ITGAM: variants seen among roughly 807,000 people sequenced by gnomAD.
ITGAM encodes the protein integrin subunit alpha M, also known as integrin alpha-M.
ITGAM carries 79 observed loss-of-function variants against 137.5 expected under a neutral mutation model. That is an observed-to-expected ratio of 0.57 (90% confidence interval 0.48 to 0.69). The LOEUF (loss-of-function observed/expected upper bound fraction) is 0.69, where lower values mean the gene tolerates loss of function less well. Among genes scored for constraint, ITGAM ranks in the 30% least tolerant of loss-of-function variants. The pLI is 0.00. For missense variants in ITGAM, 1,343 were observed against 1,483.5 expected (o/e 0.91, Z 1.56); for synonymous variants, 583 against 592.3 (o/e 0.98, Z 0.23).
At chr16:31,326,216 C>T (rs1294595555) in intron 21 of ITGAM, among the ~76,000 whole-genome samples, 1 of 152,134 alleles carries the variant, frequency 6.6e-6, no homozygotes, top group Non-Finnish European at 1.5e-5. Flanking sequence ...CCCTCAGCCC[C>T]AGTCCTCCCA....
Position 31,297,932 on chromosome 16 carries a change from GCAT to G in ITGAM, c.1688_1690del (p.Ile563del). The G allele has an allele frequency of 6.2e-7, 1 of 1,613,798 alleles. No individual in the cohort carries two copies. Among genetic ancestry groups the G allele is most frequent in the Non-Finnish European group, 8.5e-7 (1 of 1,179,918 alleles). ...CTGTTTCACGGAACCTCAGGATCTG[GCAT>G]CAGCCCCTCCCATAGCCAGGTGAGA... On this transcript the variant is annotated inframe_deletion, in exon 14 of 30. Coordinates refer to ENST00000544665, the MANE Select transcript of ITGAM (RefSeq NM_000632.4).
chr16:31,314,966 C>T (rs2080375332), intron 14 of ITGAM, among the ~76,000 whole-genome samples: 1 of 151,790 alleles, frequency 6.6e-6, no homozygotes, highest in Non-Finnish European at 1.5e-5. Flanking sequence ...GTGCCCACCA[C>T]CACACCCAGC....
At chr16:31,316,851 AT>A (rs879661331) in intron 14 of ITGAM, among the ~76,000 whole-genome samples, 1 of 152,012 alleles carries the variant, frequency 6.6e-6, no homozygotes, top group Non-Finnish European at 1.5e-5. Flanking sequence ...TAAGCATTTT[AT>A]TTTTTGATGC....
At chr16:31,302,370 T>C (rs182119264) in intron 14 of ITGAM, among the ~76,000 whole-genome samples, 1 of 149,896 alleles carries the variant, frequency 6.7e-6, no homozygotes, top group East Asian at 1.9e-4. Flanking sequence ...AACAATCTTT[T>C]TTTCTTTCTT....
chr16:31,307,032 C>A (rs1382419338), intron 14 of ITGAM, among the ~76,000 whole-genome samples: 1 of 152,132 alleles, frequency 6.6e-6, no homozygotes, highest in Non-Finnish European at 1.5e-5. Context: ...CAGTACCATG[C>A]TGTTTTGGTT....
chr16:31,331,787 C>A lies in ITGAM; in HGVS notation c.*80C>A. The A allele has an allele frequency of 1.8e-6, 2 of 1,127,982 alleles. No homozygotes were observed. Among genetic ancestry groups the A allele is most frequent in the Non-Finnish European group, 1.3e-6 (1 of 791,418 alleles). The allele number at this position is 1,127,982 out of a possible 1,614,324, so 69.9% of individuals were successfully genotyped here. A position where few individuals can be genotyped will look rare whatever the true frequency, so the allele number is the denominator to read the frequency against. ...CACACGTAGCCCCCAGGCTGCTGGA[C>A]ACGTCGGACAGCGAAGTATCCCCGA... On this transcript the variant is annotated 3_prime_UTR_variant, in exon 30 of 30. Transcript: ENST00000544665.
At chr16:31,262,341 T>C (rs79113991) in intron 2 of ITGAM, among the ~76,000 whole-genome samples, 3 of 14,464 alleles carry the variant, frequency 2.1e-4, no homozygotes, top group African/African-American at 6.4e-4. Flanking sequence ...CCTTCCATCC[T>C]TCCTTCCTTC....
intron 2 of ITGAM, among the ~76,000 whole-genome samples, chr16:31,264,937 G>A (rs1467102750): frequency 2.0e-5 from 3 of 151,938 alleles, no homozygotes; most frequent in Admixed American, 6.6e-5. Context: ...GTGCTATCTC[G>A]GCTCACTGCA....
chr16:31,292,888 A>G (rs762979214), intron 12 of ITGAM, among the ~76,000 whole-genome samples: 1 of 152,126 alleles, frequency 6.6e-6, no homozygotes, highest in Non-Finnish European at 1.5e-5. Context: ...CACCAACAGT[A>G]TAAGTGTTCC....
intron 12 of ITGAM, among the ~76,000 whole-genome samples, chr16:31,291,136 A>T (rs1425874253): frequency 2.0e-5 from 3 of 152,182 alleles, no homozygotes; most frequent in Non-Finnish European, 4.4e-5. Context: ...TATTGTTAAG[A>T]TGTCAATTCT....
At chr16:31,300,061 A>G (rs929776161) in intron 14 of ITGAM, among the ~76,000 whole-genome samples, 4 of 151,928 alleles carry the variant, frequency 2.6e-5, no homozygotes, top group South Asian at 2.1e-4. Context: ...GGGTCTCCCT[A>G]TGTTGCCCAG....
rs377718315 is a variant in ITGAM, at chr16:31,278,118, G to T, written c.1356+9G>T. 4 of 1,602,152 alleles carry T rather than the reference G, an allele frequency of 2.5e-6. No homozygotes were observed. In the Admixed American group the frequency reaches 6.9e-5, roughly 28 times the overall value. On this transcript the variant is annotated intron_variant, in intron 12 of 29. Transcript: ENST00000544665. ...ATGTCAAGGGCACCCAGGTGAGTGC[G>T]GTTTGTGGAGCATGAATGTGCAAAC...
chr16:31,301,534 T>C (rs11645653), intron 14 of ITGAM, among the ~76,000 whole-genome samples: 24,947 of 152,242 alleles, frequency 0.16, 2,757 homozygotes, highest in Middle Eastern at 0.37. Context: ...AAGACACTTA[T>C]ATTCGCTTTA....
rs377653087 is a variant in ITGAM, at chr16:31,331,727, C to T, written c.*20C>T. The T allele has an allele frequency of 3.1e-5, 49 of 1,572,164 alleles. No homozygotes were observed. The African/African-American group carries it at 6.4e-4, about 20-fold the overall frequency. ...CAGTAGCGGCTCCTTCCCGACAGAG[C>T]TGCCTCTCGGTGGCCAGCAGGACTC... is the stretch of plus-strand genomic sequence containing the variant. On this transcript the variant is annotated 3_prime_UTR_variant, in exon 30 of 30. Transcript: ENST00000544665.
At chr16:31,329,758 G>C (rs904642412) in intron 24 of ITGAM, 40 bp from the exon 25 acceptor site, 1 of 1,514,424 alleles carries the variant, frequency 6.6e-7, no homozygotes, top group Non-Finnish European at 9.0e-7. Flanking sequence ...GCTGGTGGGG[G>C]AGGAAGGCCA....
chr16:31,269,804 T>C (rs1398484962), intron 5 of ITGAM, among the ~76,000 whole-genome samples: 1 of 152,150 alleles, frequency 6.6e-6, no homozygotes, highest in Non-Finnish European at 1.5e-5. Flanking sequence ...TGGTCTTTTG[T>C]GAAGGACATA....
At chr16:31,261,198 CTTT>C (rs1017498448) in intron 1 of ITGAM, among the ~76,000 whole-genome samples, 9 of 123,222 alleles carry the variant, frequency 7.3e-5, no homozygotes, top group African/African-American at 8.7e-5. Flanking sequence ...ATGCTGCTAT[CTTT>C]TTTTTTTTTT....
chr16:31,299,732 A>G (rs1206410412), intron 14 of ITGAM, among the ~76,000 whole-genome samples: 2 of 151,534 alleles, frequency 1.3e-5, no homozygotes, highest in Admixed American at 6.6e-5. Context: ...ATGAAAGAAT[A>G]TCTTTCTTCT....
intron 14 of ITGAM, among the ~76,000 whole-genome samples, chr16:31,304,092 G>C (rs2080242349): frequency 6.6e-6 from 1 of 152,108 alleles, no homozygotes; most frequent in South Asian, 2.1e-4. Context: ...CAGTGTAAAA[G>C]TGTCCCCTTT....
Sources: gnomAD v4.1 joint callset for allele counts (sites outside exome capture counted in the v4.1 genomes callset) on GRCh38, gnomAD v4.1.1 for gene constraint, MANE v1.5 for transcripts, NCBI Gene and HGNC (gene_info 2026-07-23, HGNC 2026-07-21) for gene names.